The following FCRL3 variants were observed in gnomAD, a reference collection of about 807,000 sequenced individuals.
FCRL3 encodes Fc receptor like 3, also known as Fc receptor-like protein 3.
In FCRL3, 89 loss-of-function variants were observed where a neutral mutation model predicts 75.0. That is an observed-to-expected ratio of 1.19 (90% CI 1.00 to 1.42). The LOEUF (loss-of-function observed/expected upper bound fraction) is 1.42. FCRL3 is among the 40% of genes most tolerant of loss of function. The pLI, the probability that FCRL3 is intolerant of heterozygous loss-of-function variation, is 0.00. For missense variants in FCRL3, 946 were observed against 880.0 expected, an observed-to-expected ratio of 1.07 and a Z score of -0.95; for synonymous variants, 376 against 348.5, an observed-to-expected ratio of 1.08 and a Z score of -0.88.
intron 10 of FCRL3, among the ~76,000 whole-genome samples, chr1:157,683,924 C>T (rs946128856): frequency 2.6e-5 from 4 of 152,056 alleles, no homozygotes; most frequent in African/African-American, 4.8e-5. Context: ...TATATTGTTT[C>T]GTAATTATTT....
chr1:157,677,820 T>C lies in FCRL3; in HGVS notation c.*890A>G, dbSNP rs1654554700. On this transcript the variant is annotated 3_prime_UTR_variant, in exon 15 of 15. Coordinates refer to ENST00000368184, the MANE Select transcript of FCRL3 (RefSeq NM_052939.4). Reference sequence around the variant, plus strand: ...AGGAAAACATGTAGATACATTAATATGATAGAAATAGGAGAGCATGGGAAT... The same window carrying C: ...AGGAAAACATGTAGATACATTAATACGATAGAAATAGGAGAGCATGGGAAT... 5 of 517,846 alleles carry C rather than the reference T, an allele frequency of 9.7e-6. No individual in the cohort carries two copies. The highest frequency in any genetic ancestry group is 1.2e-5 in the Non-Finnish European group (5 of 403,324). 32.1% of individuals were successfully genotyped at this position (517,846 alleles called of 1,614,324 possible).
At chr1:157,681,364 G>T (rs1002178561) in intron 11 of FCRL3, among the ~76,000 whole-genome samples, 1 of 150,840 alleles carries the variant, frequency 6.6e-6, no homozygotes, top group African/African-American at 2.4e-5. Flanking sequence ...TTAGAATTAG[G>T]TATATCTCCT....
rs115596233 is a variant in FCRL3 at position 157,696,294 on chromosome 1, C to T, written c.878G>A (p.Arg293Gln). 251 of 1,613,874 alleles carry T rather than the reference C, an allele frequency of 1.6e-4. 1 individual carries two copies. The East Asian group carries it at 4.0e-3, about 26-fold the overall frequency. Residue 293 changes from arginine (R) to glutamine (Q), a missense_variant, in exon 7 of 15, where the codon CGG (arginine) becomes CAG (glutamine). Physicochemically the swap from Arg to Gln is conservative, Grantham distance 43. Coordinates refer to ENST00000368184, the MANE Select transcript of FCRL3 (RefSeq NM_052939.4). ...VPVSNVNLEI[R>Q]PTGGQLIEGE... ...TTCAATCAGCTGCCCTCCGGTGGGC[C>T]GGATCTCTAGATTCACATTAGACAC...
At chr1:157,693,410 T>C (rs1421754321) in intron 8 of FCRL3, among the ~76,000 whole-genome samples, 1 of 152,106 alleles carries the variant, frequency 6.6e-6, no homozygotes, top group Non-Finnish European at 1.5e-5. Flanking sequence ...AGTTAGACTA[T>C]GGGATTGAAA....
At position 157,696,355 on chromosome 1, in the gene FCRL3, G is replaced by A. The variant is rs752692952; in HGVS notation, c.845-28C>T. The stretch of plus-strand genomic sequence containing the variant: ...GGGGGAACACAAGATGGCATGTGAA[G>A]GTCCTGATGGCAGGGACATCAAGGT... On this transcript the variant is annotated intron_variant, in intron 6 of 14. Coordinates refer to ENST00000368184, the MANE Select transcript of FCRL3 (RefSeq NM_052939.4). 7.5e-5 allele frequency: 121 copies of A among 1,608,998 alleles called. 2 individuals carry two copies. In the South Asian group the frequency reaches 1.2e-3, roughly 16 times the overall value.
At position 157,677,465 on chromosome 1, in the gene FCRL3, G is replaced by A. The variant is rs1182866381; in HGVS notation, c.*1245C>T. On this transcript the variant is annotated 3_prime_UTR_variant, in exon 15 of 15. Transcript: ENST00000368184. ...GTTAATATAATCTCAGTTGTCCCTAGGACTTGAGGTGTTCAGAGATATTTG... is the reference window on the plus strand; with the variant it reads ...GTTAATATAATCTCAGTTGTCCCTAAGACTTGAGGTGTTCAGAGATATTTG... 1.0e-6 allele frequency: 1 copy of A among 985,322 alleles called. No homozygotes were observed. The highest frequency in any genetic ancestry group is 1.2e-6 in the Non-Finnish European group (1 of 829,946). The allele number at this position is 985,322 out of a possible 1,614,324, so 61.0% of individuals were successfully genotyped here.
At chr1:157,690,017 C>T in intron 9 of FCRL3, 100 bp from the exon 10 acceptor site, 1 of 1,524,256 alleles carries the variant, frequency 6.6e-7, no homozygotes, top group South Asian at 1.2e-5. Flanking sequence ...CTGATTCCTC[C>T]TGTAGCATCA....
intron 8 of FCRL3, 68 bp downstream of exon 8, chr1:157,695,261 G>A (rs1328879775): frequency 2.0e-6 from 3 of 1,481,058 alleles, no homozygotes; most frequent in Admixed American, 1.9e-5. Context: ...ATAGCCCAGT[G>A]GAGCTATTTC....
At position 157,700,666 on chromosome 1, in the gene FCRL3, C is replaced by T. The variant is rs1019948321; in HGVS notation, c.-101G>A. ...TGAAAATGTGAATGTGGCTACCTTC[C>T]TAAATGCTGTTTGTATCTCAATCCC... On this transcript the variant is annotated 5_prime_UTR_variant, in exon 1 of 15. Coordinates refer to ENST00000368184, the MANE Select transcript of FCRL3 (RefSeq NM_052939.4). 41 of 1,468,850 alleles carry T rather than the reference C, an allele frequency of 2.8e-5. No homozygotes were observed. The highest frequency in any genetic ancestry group is 3.7e-5 in the Non-Finnish European group (41 of 1,107,324). 91.0% of individuals were successfully genotyped at this position (1,468,850 alleles called of 1,614,324 possible). A position where few individuals can be genotyped will look rare whatever the true frequency, so the allele number is the denominator to read the frequency against.
At chr1:157,693,085 G>A (rs1254750817) in intron 8 of FCRL3, among the ~76,000 whole-genome samples, 3 of 151,886 alleles carry the variant, frequency 2.0e-5, no homozygotes, top group Non-Finnish European at 4.4e-5. Context: ...AGACCAGCCT[G>A]GGCAACATGA....
At chr1:157,693,710 CCCTT>C (rs888714951) in intron 8 of FCRL3, among the ~76,000 whole-genome samples, 6 of 149,706 alleles carry the variant, frequency 4.0e-5, no homozygotes, top group East Asian at 1.9e-4. Context: ...CTTCCTTCCT[CCCTT>C]CCTTCCTTCC....
Position 157,697,913 on chromosome 1 carries a change from A to G in FCRL3, c.305T>C (p.Leu102Pro), listed in dbSNP as rs1193364459. The G allele has an allele frequency of 6.2e-7, 1 of 1,613,638 alleles. No homozygotes were observed. Among genetic ancestry groups the G allele is most frequent in the African/African-American group, 1.3e-5 (1 of 74,930 alleles). Residue 102 changes from leucine to proline, a missense_variant, in exon 5 of 15, where the codon CTG (leucine) becomes CCG (proline). Transcript: ENST00000368184. ...GACAGGATGTAAAGCCTGCAGGATC[A>G]GCCAGTCTGCAAAGAGCACAGGAGC... ...AVHVEFSPDWLILQALHPVFE... is the reference protein window; with the variant it reads ...AVHVEFSPDWPILQALHPVFE...
chr1:157,681,195 G>T, intron 11 of FCRL3, 96 bp from the exon 12 acceptor site: 1 of 711,556 alleles, frequency 1.4e-6, no homozygotes, highest in Non-Finnish European at 2.1e-6. Flanking sequence ...AGTCCAGCAT[G>T]ATTCAAGTAA....
At chr1:157,699,642 AG>A (rs753249747) in intron 3 of FCRL3, 49 bp downstream of exon 3, 3 of 1,607,754 alleles carry the variant, frequency 1.9e-6, no homozygotes, top group African/African-American at 1.3e-5. Context: ...GTGTGGGCTG[AG>A]GGGACCAATA....
rs183186276 is a variant in FCRL3 at position 157,676,542 on chromosome 1, T to C, written c.*2168A>G. Reference sequence around the variant, plus strand: ...ACTAAAATTACTTTTTTTAGATTTCTGGGCTATGGGTTTTTAGTTGTGAAT... The same window carrying C: ...ACTAAAATTACTTTTTTTAGATTTCCGGGCTATGGGTTTTTAGTTGTGAAT... On this transcript the variant is annotated 3_prime_UTR_variant, in exon 15 of 15. Coordinates refer to ENST00000368184, the MANE Select transcript of FCRL3 (RefSeq NM_052939.4). 1 of 599,382 alleles carries C rather than the reference T, an allele frequency of 1.7e-6. No homozygotes were observed. The highest frequency in any genetic ancestry group is 2.9e-5 in the East Asian group (1 of 34,018). 37.1% of individuals were successfully genotyped at this position (599,382 alleles called of 1,614,324 possible). A position where few individuals can be genotyped will look rare whatever the true frequency, so the allele number is the denominator to read the frequency against.
intron 13 of FCRL3, among the ~76,000 whole-genome samples, chr1:157,679,414 T>G (rs1259774682): frequency 1.3e-5 from 2 of 152,034 alleles, no homozygotes; most frequent in Non-Finnish European, 2.9e-5. Context: ...CACAGGGAAA[T>G]TGGAAGAGAC....
At chr1:157,699,152 C>G (rs2101628096) in intron 3 of FCRL3, among the ~76,000 whole-genome samples, 1 of 152,272 alleles carries the variant, frequency 6.6e-6, no homozygotes, top group South Asian at 2.1e-4. Flanking sequence ...AAGTTGGACA[C>G]AGTAAACAAT....
intron 8 of FCRL3, 35 bp from the exon 9 acceptor site, chr1:157,690,568 C>T: frequency 6.2e-7 from 1 of 1,608,468 alleles, no homozygotes; most frequent in Admixed American, 1.7e-5. Context: ...GGCAGTTTTA[C>T]TTAAGTAGGT....
chr1:157,694,674 A>G (rs958387661), intron 8 of FCRL3, among the ~76,000 whole-genome samples: 3 of 152,164 alleles, frequency 2.0e-5, no homozygotes, highest in Non-Finnish European at 2.9e-5. Flanking sequence ...GGGGCTGGAC[A>G]TGGGAAATAC....
Sources: allele counts gnomAD v4.1 joint callset (sites outside exome capture counted in the v4.1 genomes callset), GRCh38; gene constraint gnomAD v4.1.1; transcripts MANE v1.5; gene names NCBI Gene and HGNC (gene_info 2026-07-23, HGNC 2026-07-21).